FRMD4B: variants seen among roughly 807,000 people sequenced by gnomAD.
FRMD4B encodes the protein FERM domain containing 4B.
FRMD4B carries 74 observed loss-of-function variants against 141.5 expected under a neutral mutation model. That is an observed-to-expected ratio of 0.52 (90% confidence interval 0.43 to 0.63). FRMD4B has a LOEUF of 0.63. FRMD4B is among the 30% of genes least tolerant of loss of function. The pLI, the probability that FRMD4B is intolerant of heterozygous loss-of-function variation, is 0.00. For synonymous variants in FRMD4B, 506 were observed against 467.9 expected (o/e 1.08, Z -1.05); for missense variants, 1,366 against 1,253.4 (o/e 1.09, Z -1.36).
chr3:69,437,741 T>A (rs1312162011), intron 1 of FRMD4B, among the ~76,000 whole-genome samples: 1 of 130,138 alleles, frequency 7.7e-6, no homozygotes, highest in Non-Finnish European at 1.5e-5. Context: ...TTATATACAA[T>A]ACTATATAAA....
At chr3:69,226,013 A>G (rs959003539) in intron 7 of FRMD4B, among the ~76,000 whole-genome samples, 4 of 152,142 alleles carry the variant, frequency 2.6e-5, no homozygotes, top group Non-Finnish European at 5.9e-5. Context: ...TATTTACCTC[A>G]TGTAAGGTTC....
At chr3:69,432,825 C>T (rs540362598) in intron 1 of FRMD4B, 5 of 152,312 alleles carry the variant, frequency 3.3e-5, no homozygotes, top group Non-Finnish European at 7.3e-5. Flanking sequence ...CTATAAATCT[C>T]AAGTCAGTGA....
Position 69,250,290 on chromosome 3 carries a change from C to CGTGTGTGTGT in FRMD4B, c.502-201_502-192dup, listed in dbSNP as rs10526962. ...GGTTAAGGCGAAACCACTGTGTGTG[C>CGTGTGTGTGT]GTGTGTGTGTGTGTGTGTGTGTGTG... is the stretch of plus-strand genomic sequence containing the variant. On this transcript the variant is annotated intron_variant, in intron 5 of 22. Coordinates refer to ENST00000398540, the MANE Select transcript of FRMD4B (RefSeq NM_015123.3). 5.5e-3 allele frequency: 2,308 copies of CGTGTGTGTGT among 418,644 alleles called. 21 individuals carry two copies. The highest frequency in any genetic ancestry group is 0.019 in the Admixed American group (491 of 25,540). The allele number at this position is 418,644 out of a possible 1,614,324, so 25.9% of individuals were successfully genotyped here. A position where few individuals can be genotyped will look rare whatever the true frequency, so the allele number is the denominator to read the frequency against.
At chr3:69,345,015 G>C (rs1455879753) in intron 1 of FRMD4B, among the ~76,000 whole-genome samples, 1 of 152,092 alleles carries the variant, frequency 6.6e-6, no homozygotes, top group African/African-American at 2.4e-5. Context: ...AGCCCACCGA[G>C]AGTGAGCTGA....
At chr3:69,420,239 C>T (rs1704948692) in intron 2 of FRMD4B, among the ~76,000 whole-genome samples, 1 of 145,582 alleles carries the variant, frequency 6.9e-6, no homozygotes, top group African/African-American at 2.6e-5. Context: ...CTTGATTAAA[C>T]TGGCAGAATC....
chr3:69,537,336 A>G (rs9828387), intron 1 of FRMD4B, among the ~76,000 whole-genome samples: 36,742 of 152,100 alleles, frequency 0.24, 4,736 homozygotes, highest in African/African-American at 0.33. Flanking sequence ...CTCTAAGGAA[A>G]AAATAACACA....
intron 2 of FRMD4B, among the ~76,000 whole-genome samples, chr3:69,406,113 C>CTT (rs1704644862): frequency 6.6e-6 from 1 of 152,182 alleles, no homozygotes; most frequent in Non-Finnish European, 1.5e-5. Context: ...AAAAGGCACT[C>CTT]ACCCTTGCAC....
chr3:69,218,452 G>T (rs1305923654), intron 9 of FRMD4B, 73 bp from the exon 10 acceptor site: 5 of 663,520 alleles, frequency 7.5e-6, no homozygotes, highest in African/African-American at 3.7e-5. Context: ...GTGATTTAAA[G>T]AAACACCACG....
At chr3:69,394,026 A>C (rs1366935374) in intron 2 of FRMD4B, among the ~76,000 whole-genome samples, 8 of 152,230 alleles carry the variant, frequency 5.3e-5, no homozygotes, top group African/African-American at 1.9e-4. Flanking sequence ...CCTCAGACTA[A>C]AATTTATAAG....
At position 69,195,040 on chromosome 3, in the gene FRMD4B, G is replaced by A; in HGVS notation, c.1470C>T (p.Asn490=). 6.2e-7 allele frequency: 1 copy of A among 1,613,760 alleles called. No homozygotes were observed. The highest frequency in any genetic ancestry group is 8.5e-7 in the Non-Finnish European group (1 of 1,179,680). Residue 490 remains asparagine (N), a synonymous_variant, in exon 16 of 23, where the codon AAC becomes AAT. Coordinates refer to ENST00000398540, the MANE Select transcript of FRMD4B (RefSeq NM_015123.3). ...TTCATACTTCTTCACTCGGCAGCAA[G>A]TTGTCATCTAATTTGAACGCAGTAC... The part of the protein sequence containing the change: ...RVGTAFKLDD[N]LLPSEEDPAL...
chr3:69,313,339 C>G lies in FRMD4B; in HGVS notation c.228+113G>C, dbSNP rs1284272622. 1.3e-5 allele frequency: 10 copies of G among 741,718 alleles called. No homozygotes were observed. The East Asian group carries it at 1.9e-4, about 14-fold the overall frequency. 45.9% of individuals were successfully genotyped at this position (741,718 alleles called of 1,614,324 possible). On this transcript the variant is annotated intron_variant, in intron 2 of 22. Coordinates refer to ENST00000398540, the MANE Select transcript of FRMD4B (RefSeq NM_015123.3). ...CTTTGAGGCAAAGATAACAGAGAAG[C>G]CTGAATACAGACTATGAGGCTCAGA...
intron 11 of FRMD4B, among the ~76,000 whole-genome samples, chr3:69,213,741 C>A (rs1344729582): frequency 1.3e-5 from 2 of 150,902 alleles, no homozygotes; most frequent in Non-Finnish European, 2.9e-5. Context: ...TAGTTCATTG[C>A]AGCCTCAACC....
chr3:69,213,969 C>A (rs1384142542), intron 11 of FRMD4B, among the ~76,000 whole-genome samples: 1 of 151,980 alleles, frequency 6.6e-6, no homozygotes, highest in African/African-American at 2.4e-5. Flanking sequence ...TGAGCCACCA[C>A]CCTCGGCCTT....
At chr3:69,394,974 C>T (rs1451921734) in intron 2 of FRMD4B, among the ~76,000 whole-genome samples, 1 of 152,074 alleles carries the variant, frequency 6.6e-6, no homozygotes, top group Non-Finnish European at 1.5e-5. Context: ...AATGAGAACA[C>T]CTGGACACGG....
At chr3:69,434,743 G>T (rs901430347) in intron 1 of FRMD4B, among the ~76,000 whole-genome samples, 9 of 152,194 alleles carry the variant, frequency 5.9e-5, no homozygotes, top group African/African-American at 1.9e-4. Flanking sequence ...GGGTATCTGG[G>T]AATGAGCAAA....
chr3:69,277,817 A>G (rs573671827), intron 5 of FRMD4B, among the ~76,000 whole-genome samples: 6 of 151,394 alleles, frequency 4.0e-5, no homozygotes, highest in Non-Finnish European at 8.8e-5. Flanking sequence ...GGCGTGAGCC[A>G]CAGCGCCCGT....
At chr3:69,228,710 T>G in intron 7 of FRMD4B, 1 of 311,512 alleles carries the variant, frequency 3.2e-6, no homozygotes, top group Non-Finnish European at 6.4e-6. Flanking sequence ...TCATGGCATG[T>G]GCCTGTGGTT....
At chr3:69,429,420 A>AT (rs1705140016) in intron 2 of FRMD4B, among the ~76,000 whole-genome samples, 1 of 152,176 alleles carries the variant, frequency 6.6e-6, no homozygotes, top group Non-Finnish European at 1.5e-5. Context: ...AATGACGAGT[A>AT]TTTAAAATAT....
At chr3:69,188,763 C>A (rs1200603887) in intron 18 of FRMD4B, among the ~76,000 whole-genome samples, 105 of 66,778 alleles carry the variant, frequency 1.6e-3, no homozygotes, top group African/African-American at 3.3e-3. Flanking sequence ...GACTCCGTCT[C>A]AAAAAAAAAA....
Sources: allele counts gnomAD v4.1 joint callset (sites outside exome capture counted in the v4.1 genomes callset), GRCh38; gene constraint gnomAD v4.1.1; transcripts MANE v1.5; gene names NCBI Gene and HGNC (gene_info 2026-07-23, HGNC 2026-07-21).